Variants in RMDN3 observed in about 807,000 individuals in gnomAD.
RMDN3 encodes the protein regulator of microtubule dynamics 3, also known as regulator of microtubule dynamics protein 3.
Under a neutral mutation model 61.8 loss-of-function variants are expected in RMDN3, and 41 were observed. The observed-to-expected ratio is 0.66, with a 90% CI of 0.52 to 0.86. The LOEUF is 0.86. Ranked by LOEUF, RMDN3 falls within the 40% of genes least tolerant of loss-of-function variation. RMDN3 has a pLI of 0.00. For missense variants in RMDN3, 557 were observed against 585.3 expected (o/e 0.95, Z 0.50); for synonymous variants, 247 against 232.0 (o/e 1.06, Z -0.59).
rs564036938 is a variant in RMDN3 at position 40,743,607 on chromosome 15, G to C, written c.910+440C>G. On this transcript the variant is annotated intron_variant, in intron 6 of 12. Transcript: ENST00000338376. ...CAGGTCAGATGCACCCTATCCTCCAGGGTGGAGCCTTTGCCAACAGACTTG... is the reference window on the plus strand; with the variant it reads ...CAGGTCAGATGCACCCTATCCTCCACGGTGGAGCCTTTGCCAACAGACTTG... 5.9e-5 allele frequency among the ~76,000 whole-genome samples: 9 copies of C among 152,144 alleles called. No homozygotes were observed. In the East Asian group the frequency reaches 1.7e-3, roughly 29 times the overall value.
intron 3 of RMDN3, 176 bp from the exon 4 acceptor site, chr15:40,751,745 C>G (rs1485199391): frequency 2.1e-6 from 2 of 966,676 alleles, no homozygotes; most frequent in South Asian, 1.4e-5. Flanking sequence ...CCAGCCCGCA[C>G]AGACAGACTA....
chr15:40,753,686 A>G (rs1037794732), intron 2 of RMDN3, among the ~76,000 whole-genome samples: 1 of 152,230 alleles, frequency 6.6e-6, no homozygotes, highest in African/African-American at 2.4e-5. Flanking sequence ...CTTCAATTGC[A>G]TTAAGCGTGC....
intron 5 of RMDN3, 26 bp downstream of exon 5, chr15:40,744,948 GAGA>G (rs779319610): frequency 3.8e-6 from 6 of 1,560,190 alleles, no homozygotes; most frequent in Non-Finnish European, 5.2e-6. Flanking sequence ...GGGAGGGAAG[GAGA>G]AGGAGACAGG....
Position 40,737,196 on chromosome 15 carries a change from T to G in RMDN3, c.1287A>C (p.Arg429Ser). ...TAGCTTCAGAGTTTTTCCCTAGTTC[T>G]CTGTAGCACTGAAAAGAGACAACAG... is the stretch of plus-strand genomic sequence containing the variant. ...AGRVYISKCY[R>S]ELGKNSEARW... Residue 429 changes from arginine (R) to serine (S), a missense_variant, in exon 12 of 13, where the codon AGA (arginine) becomes AGC (serine). Transcript: ENST00000338376. 6.2e-7 allele frequency: 1 copy of G among 1,614,188 alleles called. No homozygotes were observed. The highest frequency in any genetic ancestry group is 8.5e-7 in the Non-Finnish European group (1 of 1,180,002).
intron 4 of RMDN3, among the ~76,000 whole-genome samples, chr15:40,745,751 G>A (rs1440807355): frequency 1.3e-5 from 2 of 152,148 alleles, no homozygotes; most frequent in Non-Finnish European, 2.9e-5. Flanking sequence ...AACCAGCTGA[G>A]GCCCTGTGAC....
intron 6 of RMDN3, among the ~76,000 whole-genome samples, chr15:40,742,228 T>TA (rs397697366): frequency 2.5e-5 from 1 of 40,488 alleles, no homozygotes; most frequent in Non-Finnish European, 5.9e-5. Context: ...GGCTAGTCTC[T>TA]AACTCCTGGG....
At chr15:40,755,038 C>A in intron 1 of RMDN3, 45 bp downstream of exon 1, 1 of 439,006 alleles carries the variant, frequency 2.3e-6, no homozygotes. Flanking sequence ...AGTACACCCC[C>A]CGACCCGGGT....
rs186652893 is a variant in RMDN3, at chr15:40,744,790, C to T, written c.807+187G>A. Among the ~76,000 whole-genome samples, 19 of 152,206 alleles carry T rather than the reference C, an allele frequency of 1.2e-4. No individual in the cohort carries two copies. The East Asian group carries it at 2.5e-3, about 20-fold the overall frequency. On this transcript the variant is annotated intron_variant, in intron 5 of 12. Transcript: ENST00000338376. Reference sequence around the variant, plus strand: ...AGCAGTACACTGGCCCTAGGATCCACGCTGGGCCTCCTTGGAAGAGGATAT... The same window carrying T: ...AGCAGTACACTGGCCCTAGGATCCATGCTGGGCCTCCTTGGAAGAGGATAT...
rs760097909 is a variant in RMDN3, at chr15:40,745,048, C to T, written c.736G>A (p.Asp246Asn). The change falls in exon 5 of 13, where the codon GAC becomes AAC. Residue 246 changes from aspartate (D) to asparagine (N), a missense_variant. By Grantham distance (23) the Asp-to-Asn change is conservative. Coordinates refer to ENST00000338376, the MANE Select transcript of RMDN3 (RefSeq NM_018145.3). ...EDVLPLLQQADELHRGDEQGK... is the reference protein window; with the variant it reads ...EDVLPLLQQANELHRGDEQGK... ...TGCTCATCACCCCTGTGCAGCTCGTCGGCCTGCTGCAGGAGGGGCAGCACA... is the reference window on the plus strand; with the variant it reads ...TGCTCATCACCCCTGTGCAGCTCGTTGGCCTGCTGCAGGAGGGGCAGCACA... 3.1e-6 allele frequency: 5 copies of T among 1,614,090 alleles called. No individual in the cohort carries two copies. The highest frequency in any genetic ancestry group is 2.2e-5 in the East Asian group (1 of 44,874).
chr15:40,739,008 G>C (rs1424310776), intron 7 of RMDN3: 1 of 156,598 alleles, frequency 6.4e-6, no homozygotes, highest in African/African-American at 2.4e-5. Context: ...GCATACAGGT[G>C]TATCACTGGG....
At position 40,745,111 on chromosome 15, in the gene RMDN3, TG is replaced by T. The variant is rs779401769; in HGVS notation, c.672del (p.Ser225ValfsTer70). 6.2e-7 allele frequency: 1 copy of T among 1,614,170 alleles called. No homozygotes were observed. The highest frequency in any genetic ancestry group is 8.5e-7 in the Non-Finnish European group (1 of 1,180,024). On this transcript the variant is annotated frameshift_variant, in exon 5 of 13. Transcript: ENST00000338376. LOFTEE classifies it high-confidence loss of function. ...GAGGAACCTCCAGCCTCCAGGGCAC[TG>T]GAGGCACCTGAAGCTGCCTCTTCCT... Reference protein sequence around the residue: ...DLEEEAASGASSALEAGGSSG... With the variant: ...DLEEEAASGAXSALEAGGSSG...
intron 4 of RMDN3, among the ~76,000 whole-genome samples, chr15:40,748,679 A>T (rs898360583): frequency 2.6e-5 from 4 of 152,140 alleles, no homozygotes; most frequent in African/African-American, 9.7e-5. Context: ...GGCTCACAGC[A>T]AACTCCACCC....
chr15:40,749,122 T>G (rs1385476247), intron 4 of RMDN3, among the ~76,000 whole-genome samples: 3 of 152,108 alleles, frequency 2.0e-5, no homozygotes, highest in Admixed American at 6.5e-5. Flanking sequence ...CATCTGGTCT[T>G]GAACTCCTGA....
chr15:40,748,503 C>T (rs1897673034), intron 4 of RMDN3, among the ~76,000 whole-genome samples: 3 of 152,266 alleles, frequency 2.0e-5, no homozygotes, highest in Admixed American at 1.3e-4. Flanking sequence ...TGGCCTGCTC[C>T]TTGTGGCCTT....
intron 2 of RMDN3, 75 bp downstream of exon 2, chr15:40,754,522 G>A (rs1269195998): frequency 2.8e-6 from 4 of 1,411,790 alleles, no homozygotes; most frequent in Admixed American, 2.2e-5. Context: ...CTGTCCCACA[G>A]TCTCCACCGA....
At chr15:40,736,736 G>T in intron 12 of RMDN3, 142 bp from the exon 13 acceptor site, 1 of 703,498 alleles carries the variant, frequency 1.4e-6, no homozygotes, top group Non-Finnish European at 2.4e-6. Flanking sequence ...ATAGCCTGGA[G>T]CCTATTAAAT....
intron 6 of RMDN3, among the ~76,000 whole-genome samples, chr15:40,741,619 GAT>G (rs1491148084): frequency 8.2e-5 from 5 of 60,990 alleles, no homozygotes; most frequent in African/African-American, 2.7e-4. Context: ...TGCAACATAG[GAT>G]TTTTTTTTTT....
In RMDN3 at chr15:40,736,532, G is replaced by A; in HGVS notation, c.*9C>T. The A allele has an allele frequency of 6.2e-7, 1 of 1,613,608 alleles. No individual in the cohort carries two copies. Among genetic ancestry groups the A allele is most frequent in the Non-Finnish European group, 8.5e-7 (1 of 1,179,610 alleles). ...GTGGCATCAAGTCATGAAGGCCAGTGAAACGTGGTTAGTCTCGTAAAATGA... is the reference window on the plus strand; with the variant it reads ...GTGGCATCAAGTCATGAAGGCCAGTAAAACGTGGTTAGTCTCGTAAAATGA... On this transcript the variant is annotated 3_prime_UTR_variant, in exon 13 of 13. Transcript: ENST00000338376.
In RMDN3 at chr15:40,752,013, A is replaced by C; in HGVS notation, c.353T>G (p.Leu118Arg). ...GACCTCCCCAACAATCTCCCCCGCA[A>C]GCCCTCGCAGGCTGCTTCTCAGCTC... is the stretch of plus-strand genomic sequence containing the variant. The part of the protein sequence containing the change: ...VEELRSSLRG[L>R]AGEIVGEVRC... Residue 118 changes from leucine (L) to arginine (R), a missense_variant, in exon 3 of 13, where the codon CTT becomes CGT. Transcript: ENST00000338376. 1 of 1,614,144 alleles carries C rather than the reference A, an allele frequency of 6.2e-7. No individual in the cohort carries two copies. The highest frequency in any genetic ancestry group is 8.5e-7 in the Non-Finnish European group (1 of 1,179,994).
Sources: gnomAD v4.1 joint callset for allele counts (sites outside exome capture counted in the v4.1 genomes callset) on GRCh38, gnomAD v4.1.1 for gene constraint, MANE v1.5 for transcripts, NCBI Gene and HGNC (gene_info 2026-07-23, HGNC 2026-07-21) for gene names.